GATAD2B: variants seen among roughly 807,000 people sequenced by gnomAD.
The protein encoded by GATAD2B is GATA zinc finger domain containing 2B, also known as transcriptional repressor p66-beta.
In GATAD2B, 8 loss-of-function variants were observed where a neutral mutation model predicts 64.3. The ratio of observed to expected loss-of-function variants is 0.12; its 90% CI spans 0.07 to 0.22. The LOEUF (loss-of-function observed/expected upper bound fraction) is 0.22. GATAD2B is among the 10% of genes least tolerant of loss of function. The probability of loss-of-function intolerance (pLI) is 1.00; values close to 1 mark genes in which losing one functional copy is unlikely to be tolerated. For synonymous variants in GATAD2B, 281 were observed against 271.3 expected (o/e 1.04, Z -0.35); for missense variants, 453 against 752.0 (o/e 0.60, Z 4.65).
intron 1 of GATAD2B, among the ~76,000 whole-genome samples, chr1:153,870,111 C>A (rs981620562): frequency 4.6e-5 from 7 of 152,036 alleles, no homozygotes; most frequent in African/African-American, 9.7e-5. Flanking sequence ...CTATGCCCAG[C>A]GCTAATGTTT....
chr1:153,811,410 C>G (rs1674287680), intron 10 of GATAD2B, among the ~76,000 whole-genome samples: 1 of 151,980 alleles, frequency 6.6e-6, no homozygotes, highest in African/African-American at 2.4e-5. Flanking sequence ...CAGAAGCATC[C>G]CTGGATCATT....
At chr1:153,856,656 T>A (rs1557806621) in intron 1 of GATAD2B, among the ~76,000 whole-genome samples, 1 of 152,090 alleles carries the variant, frequency 6.6e-6, no homozygotes, top group Non-Finnish European at 1.5e-5. Context: ...ACACCTGTAA[T>A]CCCAGCACTT....
rs1553193437 is a variant in GATAD2B, at chr1:153,854,957, T to C, written c.-1-26609A>G. Among the ~76,000 whole-genome samples, 4 of 150,902 alleles carry C rather than the reference T, an allele frequency of 2.7e-5. No individual in the cohort carries two copies. The South Asian group carries it at 6.3e-4, about 24-fold the overall frequency. The stretch of plus-strand genomic sequence containing the variant: ...CACGGTCTCTTCAAAAAAGTTGATA[T>C]AAAAAAAAAGAGGTGGTGATACAGA... On this transcript the variant is annotated intron_variant, in intron 1 of 10. Coordinates refer to ENST00000368655, the MANE Select transcript of GATAD2B (RefSeq NM_020699.4).
chr1:153,848,512 C>A (rs1046592057), intron 1 of GATAD2B, among the ~76,000 whole-genome samples: 2 of 152,144 alleles, frequency 1.3e-5, no homozygotes, highest in Non-Finnish European at 2.9e-5. Flanking sequence ...AGTTTCTACT[C>A]ATCTTTCCAC....
intron 1 of GATAD2B, among the ~76,000 whole-genome samples, chr1:153,833,978 C>CT (rs145273439): frequency 0.13 from 19,235 of 149,898 alleles, 1,675 homozygotes; most frequent in East Asian, 0.49. Flanking sequence ...GTCTCTCTCT[C>CT]TTTTTTTTTA....
intron 1 of GATAD2B, among the ~76,000 whole-genome samples, chr1:153,894,430 C>T (rs1012758169): frequency 2.6e-5 from 4 of 151,372 alleles, no homozygotes; most frequent in African/African-American, 9.7e-5. Context: ...TTCGTGCCGC[C>T]GCACTCCAGC....
At chr1:153,826,843 G>A (rs1436712464) in intron 2 of GATAD2B, among the ~76,000 whole-genome samples, 1 of 151,766 alleles carries the variant, frequency 6.6e-6, no homozygotes, top group African/African-American at 2.4e-5. Context: ...TGGGAGGCTA[G>A]GGCGCGAAGA....
chr1:153,901,881 C>G (rs1249845847), intron 1 of GATAD2B, among the ~76,000 whole-genome samples: 3 of 149,904 alleles, frequency 2.0e-5, no homozygotes, highest in Non-Finnish European at 4.4e-5. Flanking sequence ...CTGGTGTCTA[C>G]AGCCATACCA....
chr1:153,852,726 C>T (rs1675946082), intron 1 of GATAD2B: 2 of 935,830 alleles, frequency 2.1e-6, no homozygotes, highest in Non-Finnish European at 3.5e-6. Context: ...CGAAGTGAAG[C>T]TTGGTAGACA....
chr1:153,874,399 C>T (rs1366154312), intron 1 of GATAD2B, among the ~76,000 whole-genome samples: 1 of 152,126 alleles, frequency 6.6e-6, no homozygotes, highest in Non-Finnish European at 1.5e-5. Flanking sequence ...AAAATAAGTG[C>T]TGTTACTGCC....
intron 1 of GATAD2B, among the ~76,000 whole-genome samples, chr1:153,858,872 A>G (rs1229632881): frequency 6.6e-6 from 1 of 152,142 alleles, no homozygotes. Context: ...ACTATTCTTA[A>G]AAGTATGGTC....
intron 1 of GATAD2B, among the ~76,000 whole-genome samples, chr1:153,848,720 G>A (rs1387286097): frequency 2.0e-5 from 3 of 152,088 alleles, no homozygotes; most frequent in African/African-American, 4.8e-5. Context: ...TTGGGAGGCC[G>A]AGGCGGGTGG....
At chr1:153,848,980 C>G (rs567669867) in intron 1 of GATAD2B, among the ~76,000 whole-genome samples, 2 of 151,444 alleles carry the variant, frequency 1.3e-5, no homozygotes, top group African/African-American at 4.8e-5. Flanking sequence ...CAAACCCCCC[C>G]CCTCCCCCAG....
At chr1:153,863,484 G>A (rs1278317307) in intron 1 of GATAD2B, among the ~76,000 whole-genome samples, 2 of 145,324 alleles carry the variant, frequency 1.4e-5, no homozygotes, top group African/African-American at 5.1e-5. Flanking sequence ...TGACGACAGT[G>A]AACCTCCGTC....
At chr1:153,870,458 A>G (rs1676624522) in intron 1 of GATAD2B, among the ~76,000 whole-genome samples, 1 of 152,102 alleles carries the variant, frequency 6.6e-6, no homozygotes, top group Admixed American at 6.6e-5. Context: ...CTATAGTCTC[A>G]GCTACTCAGG....
At chr1:153,919,486 C>G (rs141207319) in intron 1 of GATAD2B, among the ~76,000 whole-genome samples, 3 of 152,296 alleles carry the variant, frequency 2.0e-5, no homozygotes, top group East Asian at 1.9e-4. Flanking sequence ...GCTTTCATCA[C>G]TGCTACACAA....
At position 153,914,954 on chromosome 1, in the gene GATAD2B, T is replaced by C. The variant is rs913936950; in HGVS notation, c.-2+7779A>G. 1.2e-4 allele frequency among the ~76,000 whole-genome samples: 18 copies of C among 150,156 alleles called. 1 individual carries two copies. The highest frequency in any genetic ancestry group is 4.2e-4 in the South Asian group (2 of 4,798). On this transcript the variant is annotated intron_variant, in intron 1 of 10. Transcript: ENST00000368655. ...AAGAAAAAAAAAAGGCCAGGAGCAG[T>C]GGCTCACGCCTGTAATCCCAACACT...
At position 153,813,268 on chromosome 1, in the gene GATAD2B, T is replaced by C. The variant is rs1209773093; in HGVS notation, c.1401A>G (p.Lys467=). ...HTNRLKNAFV[K]ALQQEQEIEQ... ...TTCTTACCTGTTCCTGCTGTAGGGC[T>C]TTCACAAATGCATTTTTCAGCCGGT... The change falls in exon 8 of 11, where the codon AAA becomes AAG. Residue 467 remains lysine (K), a synonymous_variant. Transcript: ENST00000368655. 1 of 1,613,966 alleles carries C rather than the reference T, an allele frequency of 6.2e-7. No homozygotes were observed. The highest frequency in any genetic ancestry group is 2.2e-5 in the East Asian group (1 of 44,902).
chr1:153,918,941 A>ATTG (rs1385126747), intron 1 of GATAD2B, among the ~76,000 whole-genome samples: 6 of 151,774 alleles, frequency 4.0e-5, no homozygotes, highest in Middle Eastern at 3.4e-3. Flanking sequence ...ACAAGAGCAA[A>ATTG]ACTCCATCTC....
Sources: allele counts gnomAD v4.1 joint callset (sites outside exome capture counted in the v4.1 genomes callset), GRCh38; gene constraint gnomAD v4.1.1; transcripts MANE v1.5; gene names NCBI Gene and HGNC (gene_info 2026-07-23, HGNC 2026-07-21).